The following USP25 variants were observed in gnomAD, a reference collection of about 807,000 sequenced individuals.
The protein encoded by USP25 is ubiquitin carboxyl-terminal hydrolase 25.
Under a neutral mutation model 158.5 loss-of-function variants are expected in USP25, and 85 were observed. That is an observed-to-expected ratio of 0.54 (90% confidence interval 0.45 to 0.64). USP25 has a LOEUF of 0.64. Among genes scored for constraint, USP25 ranks in the 30% least tolerant of loss-of-function variants. The probability of loss-of-function intolerance (pLI) is 0.00; values close to 1 mark genes in which losing one functional copy is unlikely to be tolerated. For synonymous variants in USP25, 464 were observed against 460.4 expected (o/e 1.01, Z -0.10); for missense variants, 1,242 against 1,327.3 (o/e 0.94, Z 1.00).
chr21:15,743,733 G>A (rs773385666), intron 1 of USP25, among the ~76,000 whole-genome samples: 1 of 152,192 alleles, frequency 6.6e-6, no homozygotes, highest in African/African-American at 2.4e-5. Flanking sequence ...TTTCACCAGG[G>A]ACCTGTCCCT....
At chr21:15,839,107 A>G (rs528622141) in intron 17 of USP25, among the ~76,000 whole-genome samples, 11 of 152,306 alleles carry the variant, frequency 7.2e-5, no homozygotes, top group African/African-American at 2.2e-4. Flanking sequence ...ATTTACCTCC[A>G]TAGAGAACTG....
At chr21:15,763,053 G>A in intron 2 of USP25, 85 bp downstream of exon 2, 2 of 1,186,188 alleles carry the variant, frequency 1.7e-6, no homozygotes. Context: ...TTTTTTTTTT[G>A]GGGTATACCA....
At chr21:15,870,884 G>T (rs1228037098) in intron 23 of USP25, among the ~76,000 whole-genome samples, 1 of 152,208 alleles carries the variant, frequency 6.6e-6, no homozygotes, top group Non-Finnish European at 1.5e-5. Flanking sequence ...ACAAAGATCA[G>T]TGTTTAATTC....
intron 3 of USP25, among the ~76,000 whole-genome samples, chr21:15,768,760 T>C (rs911090264): frequency 1.3e-5 from 2 of 152,102 alleles, no homozygotes; most frequent in African/African-American, 4.8e-5. Context: ...CATTGTTATT[T>C]AAAGGTTGAC....
chr21:15,869,710 T>C (rs144066015), intron 22 of USP25, among the ~76,000 whole-genome samples: 63 of 152,314 alleles, frequency 4.1e-4, no homozygotes, highest in African/African-American at 1.4e-3. Context: ...TTTCATTTTC[T>C]TCCATCAGTT....
intron 1 of USP25, among the ~76,000 whole-genome samples, chr21:15,756,161 T>C (rs972783185): frequency 6.6e-6 from 1 of 152,200 alleles, no homozygotes; most frequent in Admixed American, 6.5e-5. Context: ...TAGTTTTCTT[T>C]CCTGCTATAG....
intron 1 of USP25, among the ~76,000 whole-genome samples, chr21:15,748,277 C>T (rs1197200211): frequency 2.6e-5 from 4 of 151,862 alleles, no homozygotes. Flanking sequence ...AACTTTCGCC[C>T]TTGAATTAAA....
chr21:15,730,521 T>C, intron 1 of USP25, 83 bp downstream of exon 1: 1 of 1,244,078 alleles, frequency 8.0e-7, no homozygotes. Flanking sequence ...CGCCCCGGCC[T>C]CGCCGCCGCC....
At chr21:15,878,062 A>ATTC (rs2040169046) in intron 25 of USP25, 71 bp downstream of exon 25, 1 of 1,263,080 alleles carries the variant, frequency 7.9e-7, no homozygotes, top group Non-Finnish European at 1.1e-6. Flanking sequence ...GATGTTATTT[A>ATTC]TTCTTGCCAT....
At chr21:15,869,598 A>G (rs1425024523) in intron 22 of USP25, among the ~76,000 whole-genome samples, 3 of 152,154 alleles carry the variant, frequency 2.0e-5, no homozygotes, top group East Asian at 3.8e-4. Flanking sequence ...AATTTACCAC[A>G]TATTTGCGAA....
intron 9 of USP25, among the ~76,000 whole-genome samples, chr21:15,812,544 A>G (rs1022597614): frequency 6.6e-6 from 1 of 151,922 alleles, no homozygotes; most frequent in Non-Finnish European, 1.5e-5. Context: ...CCAGCTACTC[A>G]GGAGGCTGAG....
In USP25 at chr21:15,833,208, A is replaced by G. The variant is rs1412580747; in HGVS notation, c.1994-140A>G. ...GTAGATAATAATTATTTGCTAAGCA[A>G]TAGTAATTCTTAAGTAATATGATTG... On this transcript the variant is annotated intron_variant, in intron 16 of 25. Transcript: ENST00000400183. 15 of 720,390 alleles carry G rather than the reference A, an allele frequency of 2.1e-5. 1 individual carries two copies. In the South Asian group the frequency reaches 3.3e-4, roughly 16 times the overall value. The allele number at this position is 720,390 out of a possible 1,614,324, so 44.6% of individuals were successfully genotyped here. A position where few individuals can be genotyped will look rare whatever the true frequency, so the allele number is the denominator to read the frequency against.
At chr21:15,760,843 A>G (rs2033681121) in intron 1 of USP25, among the ~76,000 whole-genome samples, 1 of 152,202 alleles carries the variant, frequency 6.6e-6, no homozygotes, top group Non-Finnish European at 1.5e-5. Flanking sequence ...TTTCCTAATA[A>G]AAAAGATACT....
At chr21:15,731,972 T>G (rs2030954036) in intron 1 of USP25, among the ~76,000 whole-genome samples, 1 of 152,208 alleles carries the variant, frequency 6.6e-6, no homozygotes, top group East Asian at 1.9e-4. Context: ...ACTTCCTAAG[T>G]TTGAACAATG....
At chr21:15,842,020 GA>G (rs2038358449) in intron 17 of USP25, among the ~76,000 whole-genome samples, 1 of 152,110 alleles carries the variant, frequency 6.6e-6, no homozygotes. Context: ...TGTGGCCAGA[GA>G]AAAATAGCTC....
At chr21:15,824,229 TA>T (rs1940554358) in intron 11 of USP25, 63 bp downstream of exon 11, 6 of 1,568,402 alleles carry the variant, frequency 3.8e-6, no homozygotes, top group Middle Eastern at 4.5e-4. Flanking sequence ...AAATATTGTT[TA>T]GAGGAAAATT....
At chr21:15,777,665 C>G (rs1568791183) in intron 3 of USP25, among the ~76,000 whole-genome samples, 1 of 152,092 alleles carries the variant, frequency 6.6e-6, no homozygotes, top group Non-Finnish European at 1.5e-5. Flanking sequence ...AGAGATTCTT[C>G]TACAGTGAAA....
chr21:15,758,832 A>G (rs113970093), intron 1 of USP25, among the ~76,000 whole-genome samples: 11,453 of 152,070 alleles, frequency 0.075, 1,401 homozygotes, highest in African/African-American at 0.26. Context: ...TTAACTCACT[A>G]TCACAAGAAC....
At chr21:15,846,944 AAG>A in intron 18 of USP25, among the ~76,000 whole-genome samples, 1 of 152,144 alleles carries the variant, frequency 6.6e-6, no homozygotes, top group Non-Finnish European at 1.5e-5. Flanking sequence ...AAAAGAAAAA[AAG>A]GAATAAATCT....
Sources: allele counts gnomAD v4.1 joint callset (sites outside exome capture counted in the v4.1 genomes callset), GRCh38; gene constraint gnomAD v4.1.1; transcripts MANE v1.5; gene names NCBI Gene and HGNC (gene_info 2026-07-23, HGNC 2026-07-21).